The following GAS2 variants were observed in gnomAD, a reference collection of about 807,000 sequenced individuals.
GAS2 encodes the protein growth arrest specific 2.
In GAS2, 20 loss-of-function variants were observed where a neutral mutation model predicts 37.5. The ratio of observed to expected loss-of-function variants is 0.53; its 90% CI spans 0.37 to 0.77. GAS2 has a LOEUF of 0.77. Among genes scored for constraint, GAS2 ranks in the 30% least tolerant of loss-of-function variants. GAS2 has a pLI of 0.00. For synonymous variants in GAS2, 144 were observed against 132.2 expected, an observed-to-expected ratio of 1.09 and a Z score of -0.61; for missense variants, 336 against 373.4, an observed-to-expected ratio of 0.90 and a Z score of 0.82.
chr11:22,717,254 A>G (rs553196319), intron 3 of GAS2, among the ~76,000 whole-genome samples: 16 of 152,194 alleles, frequency 1.1e-4, no homozygotes, highest in Non-Finnish European at 1.3e-4. Context: ...AATATTCTGT[A>G]AGGATATAGT....
intron 7 of GAS2, among the ~76,000 whole-genome samples, chr11:22,809,508 G>A (rs1433480692): frequency 6.6e-6 from 1 of 151,908 alleles, no homozygotes; most frequent in Non-Finnish European, 1.5e-5. Flanking sequence ...TATTATTTGA[G>A]ATGGAGTCTC....
At position 22,726,302 on chromosome 11, in the gene GAS2, TGAA is replaced by T. The variant is rs779872836; in HGVS notation, c.284_286del (p.Lys95del). The T allele has an allele frequency of 1.9e-6, 3 of 1,600,994 alleles. No homozygotes were observed. Among genetic ancestry groups the T allele is most frequent in the Non-Finnish European group, 2.5e-6 (3 of 1,176,872 alleles). ...TTCTTTATTTTTCAGAATCTACCGT[TGAA>T]GAAGATCCCATGCAAAACCAGTGCA... On this transcript the variant is annotated inframe_deletion, in exon 4 of 8. Coordinates refer to ENST00000454584, the MANE Select transcript of GAS2 (RefSeq NM_001143830.3).
intron 7 of GAS2, among the ~76,000 whole-genome samples, chr11:22,779,054 T>C (rs1855412905): frequency 6.6e-6 from 1 of 151,780 alleles, no homozygotes; most frequent in African/African-American, 2.4e-5. Context: ...TGTTTTTTTT[T>C]TTTTCTCTTC....
At chr11:22,782,869 C>G (rs900778876) in intron 7 of GAS2, among the ~76,000 whole-genome samples, 1 of 146,836 alleles carries the variant, frequency 6.8e-6, no homozygotes, top group African/African-American at 2.5e-5. Context: ...TAGGTTGATT[C>G]CACGTCTTTG....
chr11:22,808,909 T>C lies in GAS2; in HGVS notation c.724-2889T>C, dbSNP rs376926518. On this transcript the variant is annotated intron_variant, in intron 7 of 7. Coordinates refer to ENST00000454584, the MANE Select transcript of GAS2 (RefSeq NM_001143830.3). ...TGGGAATATGAATATGTGGATGAAA[T>C]TATAAAAGCCCTAGTGATTTTATTT... Among the ~76,000 whole-genome samples, 4 of 152,298 alleles carry C rather than the reference T, an allele frequency of 2.6e-5. No homozygotes were observed. The East Asian group carries it at 7.7e-4, about 29-fold the overall frequency.
intron 7 of GAS2, 27 bp downstream of exon 7, chr11:22,755,980 G>C (rs1854013073): frequency 6.8e-7 from 1 of 1,470,194 alleles, no homozygotes; most frequent in Non-Finnish European, 9.5e-7. Context: ...CACTTATCTT[G>C]TTTTTATGGG....
At chr11:22,668,928 T>C (rs1429219799) in intron 1 of GAS2, among the ~76,000 whole-genome samples, 1 of 152,182 alleles carries the variant, frequency 6.6e-6, no homozygotes, top group Non-Finnish European at 1.5e-5. Flanking sequence ...TAGGAAGGTT[T>C]CCACTCAATG....
At chr11:22,711,772 G>A (rs1013658405) in intron 3 of GAS2, among the ~76,000 whole-genome samples, 1 of 152,080 alleles carries the variant, frequency 6.6e-6, no homozygotes, top group Non-Finnish European at 1.5e-5. Context: ...TGCAGCAGAG[G>A]CAGCCATAAT....
At position 22,755,941 on chromosome 11, in the gene GAS2, C is replaced by CA; in HGVS notation, c.711_712insA (p.Leu238ThrfsTer4). 6.2e-7 allele frequency: 1 copy of CA among 1,607,888 alleles called. No individual in the cohort carries two copies. The highest frequency in any genetic ancestry group is 8.5e-7 in the Non-Finnish European group (1 of 1,175,036). ...GAAGATACCGAGTGGGAGAAAAGAT[C>CA]CTCTTCATTAGGGTAAAGTTTTACT... On this transcript the variant is annotated frameshift_variant, in exon 7 of 8. Coordinates refer to ENST00000454584, the MANE Select transcript of GAS2 (RefSeq NM_001143830.3). LOFTEE classifies it high-confidence loss of function.
At chr11:22,724,949 T>G (rs115733993) in intron 3 of GAS2, among the ~76,000 whole-genome samples, 1,613 of 152,070 alleles carry the variant, frequency 0.011, 24 homozygotes, top group African/African-American at 0.037. Context: ...TGTAAATGAG[T>G]TCAACAATCA....
chr11:22,651,487 T>C (rs1047951175), intron 1 of GAS2, among the ~76,000 whole-genome samples: 1 of 152,200 alleles, frequency 6.6e-6, no homozygotes, highest in Non-Finnish European at 1.5e-5. Context: ...TTGGGGAAAT[T>C]CTCCTGGATA....
chr11:22,713,341 C>A (rs970799910), intron 3 of GAS2, among the ~76,000 whole-genome samples: 1 of 151,494 alleles, frequency 6.6e-6, no homozygotes, highest in African/African-American at 2.4e-5. Context: ...AGCAAAGAAT[C>A]CAAGAAATTT....
rs34014416 is a variant in GAS2, at chr11:22,773,386, CTTTTTTT to C, written c.723+17452_723+17458del. Among the ~76,000 whole-genome samples, 335 of 64,984 alleles carry C rather than the reference CTTTTTTT, an allele frequency of 5.2e-3. 1 individual carries two copies. The highest frequency in any genetic ancestry group is 7.7e-3 in the Admixed American group (35 of 4,562). 42.6% of individuals were successfully genotyped at this position (64,984 alleles called of 152,430 possible). ...TTTATGTCCAATGTCACACCTCAATCTTTTTTTTTTTTTTTTTTTTTTTTTGAGACAG... is the reference window on the plus strand; with the variant it reads ...TTTATGTCCAATGTCACACCTCAATCTTTTTTTTTTTTTTTTTTGAGACAG... On this transcript the variant is annotated intron_variant, in intron 7 of 7. Coordinates refer to ENST00000454584, the MANE Select transcript of GAS2 (RefSeq NM_001143830.3).
chr11:22,626,029 G>T (rs942133229), intron 1 of GAS2: 8 of 618,202 alleles, frequency 1.3e-5, no homozygotes, highest in Non-Finnish European at 2.0e-5. Flanking sequence ...TTAGTGGAGG[G>T]AGAGCAGATG....
rs999476650 is a variant in GAS2 at position 22,632,907 on chromosome 11, AT to A, written c.-21+7104del. On this transcript the variant is annotated intron_variant, in intron 1 of 5. Coordinates refer to the GAS2 transcript ENST00000528582. Reference sequence around the variant, plus strand: ...TGTGTCTTTTGTTTCCAGAGTTCTGATTTTTTTTTTCTTTAAAATATCAATC... The same window carrying A: ...TGTGTCTTTTGTTTCCAGAGTTCTGATTTTTTTTTCTTTAAAATATCAATC... Among the ~76,000 whole-genome samples the A allele has an allele frequency of 2.1e-3, 312 of 148,472 alleles. 3 individuals carry two copies. Among genetic ancestry groups the A allele is most frequent in the African/African-American group, 6.8e-3 (275 of 40,480 alleles).
intron 3 of GAS2, among the ~76,000 whole-genome samples, chr11:22,722,465 A>G (rs556578344): frequency 1.2e-4 from 19 of 152,078 alleles, no homozygotes; most frequent in Non-Finnish European, 2.4e-4. Flanking sequence ...TGAATCCTAC[A>G]CTATGGACAC....
chr11:22,677,112 A>C lies in GAS2; in HGVS notation c.145+2098A>C, dbSNP rs11026727. 2.9e-3 allele frequency among the ~76,000 whole-genome samples: 438 copies of C among 152,310 alleles called. 6 individuals carry two copies. The highest frequency in any genetic ancestry group is 0.019 in the East Asian group (99 of 5,188). On this transcript the variant is annotated intron_variant, in intron 2 of 7. Coordinates refer to ENST00000454584, the MANE Select transcript of GAS2 (RefSeq NM_001143830.3). ...AGCAAAAAAACACAGTAAATAAGCAATTGAATATATAATCTATTACTTGTT... is the reference window on the plus strand; with the variant it reads ...AGCAAAAAAACACAGTAAATAAGCACTTGAATATATAATCTATTACTTGTT...
intron 4 of GAS2, chr11:22,731,274 C>T (rs982456980): frequency 3.7e-5 from 15 of 402,576 alleles, no homozygotes; most frequent in African/African-American, 3.2e-4. Context: ...TAAAAATACA[C>T]ACTTTTTTTG....
chr11:22,776,672 A>G (rs1463813760), intron 7 of GAS2, among the ~76,000 whole-genome samples: 1 of 152,234 alleles, frequency 6.6e-6, no homozygotes, highest in Non-Finnish European at 1.5e-5. Flanking sequence ...TAGGAACCAT[A>G]TAGAACATGC....
Sources: allele counts gnomAD v4.1 joint callset (sites outside exome capture counted in the v4.1 genomes callset), GRCh38; gene constraint gnomAD v4.1.1; transcripts MANE v1.5; gene names NCBI Gene and HGNC (gene_info 2026-07-23, HGNC 2026-07-21).